The following HTR4 variants were observed in gnomAD, a reference collection of about 807,000 sequenced individuals.
The protein encoded by HTR4 is 5-hydroxytryptamine (serotonin) receptor 4, G protein-coupled.
HTR4 carries 16 observed loss-of-function variants against 36.8 expected under a neutral mutation model. The ratio of observed to expected loss-of-function variants is 0.43; its 90% CI spans 0.29 to 0.66. The LOEUF (loss-of-function observed/expected upper bound fraction) is 0.66. HTR4 is among the 30% of genes least tolerant of loss of function. The pLI, the probability that HTR4 is intolerant of heterozygous loss-of-function variation, is 0.13. For missense variants in HTR4, 438 were observed against 490.9 expected, an observed-to-expected ratio of 0.89 and a Z score of 1.02; for synonymous variants, 189 against 185.1, an observed-to-expected ratio of 1.02 and a Z score of -0.17.
intron 1 of HTR4, among the ~76,000 whole-genome samples, chr5:148,650,824 ACACAACT>A (rs961662096): frequency 6.6e-6 from 1 of 152,306 alleles, no homozygotes; most frequent in African/African-American, 2.4e-5. Flanking sequence ...TTTCAGCTGA[ACACAACT>A]CACAACCTTA....
chr5:148,602,031 G>A (rs1290273452), intron 2 of HTR4, among the ~76,000 whole-genome samples: 7 of 149,740 alleles, frequency 4.7e-5, no homozygotes, highest in African/African-American at 1.7e-4. Context: ...ATTATACAAG[G>A]TAAGTAAGTT....
chr5:148,596,228 C>A (rs958230109), intron 2 of HTR4, among the ~76,000 whole-genome samples: 1 of 152,178 alleles, frequency 6.6e-6, no homozygotes, highest in Non-Finnish European at 1.5e-5. Flanking sequence ...CCGATAATAT[C>A]TTACTACTAG....
chr5:148,537,337 C>T (rs185309110), intron 4 of HTR4, among the ~76,000 whole-genome samples: 100 of 151,696 alleles, frequency 6.6e-4, no homozygotes, highest in African/African-American at 2.4e-3. Flanking sequence ...ATTAGAGAAG[C>T]AAGAAAAAAA....
At position 148,483,262 on chromosome 5, in the gene HTR4, T is replaced by A; in HGVS notation, c.1108A>T (p.Ser370Cys). Residue 370 changes from serine (S) to cysteine (C), a missense_variant, in exon 7 of 7, where the codon AGT becomes TGT. By Grantham distance (112) the Ser-to-Cys change is moderately radical (BLOSUM62 -1). Coordinates refer to ENST00000377888, the MANE Select transcript of HTR4 (RefSeq NM_000870.7). ...DAVECGGQWE[S>C]QCHPPATSPL... ...GAAGTTGCTGGCGGGTGACACTGAC[T>A]CTCCCACTGGCCACCACACTCCACT... 1 of 1,613,712 alleles carries A rather than the reference T, an allele frequency of 6.2e-7. No individual in the cohort carries two copies. Among genetic ancestry groups the A allele is most frequent in the Non-Finnish European group, 8.5e-7 (1 of 1,179,884 alleles).
At chr5:148,519,373 A>G (rs1757906679) in intron 5 of HTR4, among the ~76,000 whole-genome samples, 1 of 152,204 alleles carries the variant, frequency 6.6e-6, no homozygotes, top group Non-Finnish European at 1.5e-5. Context: ...TGTGGTTACC[A>G]ATTTGTAAAA....
In HTR4 at chr5:148,572,045, T is replaced by TA. The variant is rs538772069; in HGVS notation, c.27-21784dup. Among the ~76,000 whole-genome samples the TA allele has an allele frequency of 2.3e-3, 344 of 152,188 alleles. 2 individuals are homozygous for TA. In the South Asian group the frequency reaches 0.028, roughly 12 times the overall value. ...TTTCTATGTGCTAGAAATGCTGAGATAAAAAAATTAATTTTGTGGTTAGCT... is the reference window on the plus strand; with the variant it reads ...TTTCTATGTGCTAGAAATGCTGAGATAAAAAAAATTAATTTTGTGGTTAGCT... On this transcript the variant is annotated intron_variant, in intron 2 of 6. Transcript: ENST00000377888.
At chr5:148,628,261 G>A (rs549352001) in intron 2 of HTR4, among the ~76,000 whole-genome samples, 1 of 152,204 alleles carries the variant, frequency 6.6e-6, no homozygotes, top group South Asian at 2.1e-4. Context: ...AAAAATTTGG[G>A]TGAAAATACT....
At chr5:148,513,292 T>A (rs1197153152) in intron 5 of HTR4, among the ~76,000 whole-genome samples, 1 of 152,166 alleles carries the variant, frequency 6.6e-6, no homozygotes, top group Non-Finnish European at 1.5e-5. Flanking sequence ...GCCTGACCAG[T>A]TTTTACATTT....
At chr5:148,612,917 C>G (rs933200160) in intron 2 of HTR4, among the ~76,000 whole-genome samples, 1 of 150,616 alleles carries the variant, frequency 6.6e-6, no homozygotes, top group Non-Finnish European at 1.5e-5. Context: ...CGCAAATAAA[C>G]GAGAAAATCT....
At chr5:148,466,933 C>T (rs754931603) in intron 5 of HTR4, among the ~76,000 whole-genome samples, 14 of 152,136 alleles carry the variant, frequency 9.2e-5, no homozygotes, top group East Asian at 1.9e-4. Flanking sequence ...CTGAAAACTA[C>T]GTCTATTTTA....
At chr5:148,484,427 A>C (rs1561571527) in intron 6 of HTR4, 1 of 1,557,880 alleles carries the variant, frequency 6.4e-7, no homozygotes, top group East Asian at 2.3e-5. Flanking sequence ...ACAACAGTGA[A>C]TCTTACTTAC....
At chr5:148,467,900 C>G (rs1468591932) in intron 5 of HTR4, among the ~76,000 whole-genome samples, 1 of 152,192 alleles carries the variant, frequency 6.6e-6, no homozygotes, top group African/African-American at 2.4e-5. Flanking sequence ...CACCACAAAC[C>G]CTTGAGGTTG....
intron 2 of HTR4, among the ~76,000 whole-genome samples, chr5:148,627,481 A>C (rs1346760032): frequency 6.6e-6 from 1 of 152,228 alleles, no homozygotes; most frequent in African/African-American, 2.4e-5. Context: ...TGAGGCTAGA[A>C]ACGTCAGTTA....
chr5:148,564,040 G>C (rs1218589525), intron 2 of HTR4, among the ~76,000 whole-genome samples: 1 of 152,176 alleles, frequency 6.6e-6, no homozygotes, highest in African/African-American at 2.4e-5. Context: ...TCCCCCAAAA[G>C]AAATTAGCTA....
chr5:148,578,851 T>C (rs1761027032), intron 2 of HTR4, among the ~76,000 whole-genome samples: 1 of 152,076 alleles, frequency 6.6e-6, no homozygotes, highest in Admixed American at 6.6e-5. Context: ...GTCTTTGCTA[T>C]AACATATTGG....
intron 1 of HTR4, among the ~76,000 whole-genome samples, chr5:148,648,946 G>GT (rs34996581): frequency 0.023 from 3,433 of 152,158 alleles, 143 homozygotes; most frequent in African/African-American, 0.079. Flanking sequence ...AAGCACTATT[G>GT]TTTTTTCAAT....
chr5:148,651,030 G>A (rs1453541041), intron 1 of HTR4, among the ~76,000 whole-genome samples: 1 of 152,184 alleles, frequency 6.6e-6, no homozygotes, highest in Non-Finnish European at 1.5e-5. Context: ...CCACAGCTGA[G>A]AGAACTTGGG....
At chr5:148,463,155 C>CTTT (rs1175722648) in intron 5 of HTR4, among the ~76,000 whole-genome samples, 2 of 82,552 alleles carry the variant, frequency 2.4e-5, no homozygotes, top group African/African-American at 5.5e-5. Context: ...CTTTTCATTT[C>CTTT]TTTTTTTTTC....
intron 1 of HTR4, among the ~76,000 whole-genome samples, chr5:148,643,303 A>G (rs569356530): frequency 6.6e-6 from 1 of 152,334 alleles, no homozygotes; most frequent in African/African-American, 2.4e-5. Flanking sequence ...GATATTTAAA[A>G]GGCATACCCA....
Sources: gnomAD v4.1 joint callset for allele counts (sites outside exome capture counted in the v4.1 genomes callset) on GRCh38, gnomAD v4.1.1 for gene constraint, MANE v1.5 for transcripts, NCBI Gene and HGNC (gene_info 2026-07-23, HGNC 2026-07-21) for gene names.